NACC2: variants seen among roughly 807,000 people sequenced by gnomAD.
NACC2 encodes the protein nucleus accumbens-associated protein 2.
A neutral mutation model predicts 25.1 loss-of-function variants in NACC2; 8 were observed. The ratio of observed to expected loss-of-function variants is 0.32; its 90% CI spans 0.19 to 0.57. The LOEUF is 0.57. Ranked by LOEUF, NACC2 falls within the 20% of genes least tolerant of loss-of-function variation. The pLI is 0.89. For synonymous variants in NACC2, 435 were observed against 294.7 expected (o/e 1.48, Z -4.88); for missense variants, 644 against 650.2 (o/e 0.99, Z 0.10).
In NACC2 at chr9:136,011,322, G is replaced by A. The variant is rs1840103099; in HGVS notation, c.*194C>T. On this transcript the variant is annotated 3_prime_UTR_variant, in exon 6 of 6. Coordinates refer to ENST00000277554, the MANE Select transcript of NACC2 (RefSeq NM_144653.5). The stretch of plus-strand genomic sequence containing the variant: ...AACTTCCTCGCAGGAGGCTGCCAGT[G>A]GCCTAATTGTTTACAGTATAATGAA... The A allele has an allele frequency of 3.6e-6, 2 of 562,620 alleles. No individual in the cohort carries two copies. Among genetic ancestry groups the A allele is most frequent in the Middle Eastern group, 5.5e-4 (1 of 1,826 alleles). 34.9% of individuals were successfully genotyped at this position (562,620 alleles called of 1,614,324 possible).
At chr9:136,092,402 G>T (rs1327316362) in intron 1 of NACC2, among the ~76,000 whole-genome samples, 1 of 152,134 alleles carries the variant, frequency 6.6e-6, no homozygotes, top group Non-Finnish European at 1.5e-5. Flanking sequence ...ACAAACTCCC[G>T]CACCTGCCCA....
chr9:136,008,355 T>A lies in NACC2; in HGVS notation c.*3161A>T, dbSNP rs561114900. The A allele has an allele frequency of 6.6e-6, 1 of 152,506 alleles. No individual in the cohort carries two copies. The highest frequency in any genetic ancestry group is 2.4e-5 in the African/African-American group (1 of 41,562). The allele number at this position is 152,506 out of a possible 1,614,324, so 9.4% of individuals were successfully genotyped here. On this transcript the variant is annotated 3_prime_UTR_variant, in exon 6 of 6. Coordinates refer to ENST00000277554, the MANE Select transcript of NACC2 (RefSeq NM_144653.5). ...AGGCAGGGCAGGAGAGGCGGCTAGATCCCAGGCCCACCACCTGCCAGGCGG... is the reference window on the plus strand; with the variant it reads ...AGGCAGGGCAGGAGAGGCGGCTAGAACCCAGGCCCACCACCTGCCAGGCGG...
At chr9:136,091,597 A>G (rs1311175508) in intron 1 of NACC2, among the ~76,000 whole-genome samples, 1 of 152,222 alleles carries the variant, frequency 6.6e-6, no homozygotes, top group Non-Finnish European at 1.5e-5. Flanking sequence ...ACTTCCAGAC[A>G]GATGCCTTCA....
intron 2 of NACC2, among the ~76,000 whole-genome samples, chr9:136,049,315 C>T (rs1249882585): frequency 6.6e-6 from 1 of 152,320 alleles, no homozygotes; most frequent in African/African-American, 2.4e-5. Flanking sequence ...CCGTACACCG[C>T]GTGGCGCCAG....
intron 2 of NACC2, among the ~76,000 whole-genome samples, chr9:136,028,742 C>T (rs1840433008): frequency 6.6e-6 from 1 of 152,216 alleles, no homozygotes; most frequent in African/African-American, 2.4e-5. Flanking sequence ...CTCTTGGGGG[C>T]CTGGGAAGCC....
rs1411194368 is a variant in NACC2 at position 136,010,264 on chromosome 9, A to AT, written c.*1251dup. On this transcript the variant is annotated 3_prime_UTR_variant, in exon 6 of 6. Coordinates refer to ENST00000277554, the MANE Select transcript of NACC2 (RefSeq NM_144653.5). This position sits in a 1 kb window ranked among gnomAD's most constrained non-coding sequence, Gnocchi z 4.9. ...GCCCCAGCCCAGGCCTGTCCCGGTC[A>AT]TCCCCTGCCTGCAGCCTCAGGCACC... The AT allele has an allele frequency of 1.3e-5, 2 of 152,908 alleles. No individual in the cohort carries two copies. Among genetic ancestry groups the AT allele is most frequent in the African/African-American group, 4.8e-5 (2 of 41,340 alleles). 9.5% of individuals were successfully genotyped at this position (152,908 alleles called of 1,614,324 possible).
chr9:136,017,808 GA>G (rs1840224921), intron 2 of NACC2, among the ~76,000 whole-genome samples: 1 of 151,704 alleles, frequency 6.6e-6, no homozygotes, highest in African/African-American at 2.4e-5. Context: ...CTTCACTAGG[GA>G]ATCAATCCCA....
At chr9:136,088,347 C>T (rs576612117) in intron 1 of NACC2, among the ~76,000 whole-genome samples, 36 of 152,254 alleles carry the variant, frequency 2.4e-4, no homozygotes, top group African/African-American at 6.7e-4. Flanking sequence ...CCTCAGACCC[C>T]ACTCCCTGCC....
At chr9:136,031,840 C>T (rs1036796871) in intron 2 of NACC2, among the ~76,000 whole-genome samples, 1 of 152,244 alleles carries the variant, frequency 6.6e-6, no homozygotes, top group Non-Finnish European at 1.5e-5. Context: ...ACCCACATGG[C>T]TTTTACTGCT....
intron 2 of NACC2, among the ~76,000 whole-genome samples, chr9:136,023,646 T>C (rs1840331527): frequency 6.6e-6 from 1 of 152,240 alleles, no homozygotes. Flanking sequence ...GCTGATCTGA[T>C]GGCATCCCTT....
At chr9:136,078,730 G>A (rs952161529) in intron 1 of NACC2, among the ~76,000 whole-genome samples, 9 of 152,238 alleles carry the variant, frequency 5.9e-5, no homozygotes, top group African/African-American at 1.2e-4. Context: ...TGAGCAAAGC[G>A]AGCCCCTCAG....
At chr9:136,035,869 ACTTAT>A (rs1840543889) in intron 2 of NACC2, among the ~76,000 whole-genome samples, 1 of 152,232 alleles carries the variant, frequency 6.6e-6, no homozygotes, top group Non-Finnish European at 1.5e-5. Flanking sequence ...AGTTCTCCGT[ACTTAT>A]CTTACAACTT....
chr9:136,026,540 G>A (rs1051488274), intron 2 of NACC2, among the ~76,000 whole-genome samples: 15 of 152,086 alleles, frequency 9.9e-5, no homozygotes, highest in Admixed American at 7.2e-4. Flanking sequence ...ACATGGAGCC[G>A]CATCAAAAGG....
At chr9:136,030,083 C>T (rs1341349739) in intron 2 of NACC2, among the ~76,000 whole-genome samples, 1 of 152,184 alleles carries the variant, frequency 6.6e-6, no homozygotes, top group Admixed American at 6.5e-5. Flanking sequence ...CCATGATAGC[C>T]AGGCTGGTCT....
chr9:136,068,284 G>A (rs1044466348), intron 1 of NACC2, among the ~76,000 whole-genome samples: 1 of 152,120 alleles, frequency 6.6e-6, no homozygotes, highest in African/African-American at 2.4e-5. Flanking sequence ...GATGACCTGA[G>A]GTCAGGAGTT....
chr9:136,014,184 A>G (rs2131132695), intron 3 of NACC2, among the ~76,000 whole-genome samples: 1 of 152,148 alleles, frequency 6.6e-6, no homozygotes, highest in East Asian at 1.9e-4. Context: ...CCCAAATCAC[A>G]CATGGAACTA....
intron 2 of NACC2, among the ~76,000 whole-genome samples, chr9:136,042,855 CAG>C (rs1182250946): frequency 8.4e-6 from 1 of 119,680 alleles, no homozygotes; most frequent in African/African-American, 2.9e-5. Flanking sequence ...CAGACACACA[CAG>C]AGACACAGAG....
chr9:136,095,178 G>A lies in NACC2; in HGVS notation c.-60+11C>T, dbSNP rs1237193927. On this transcript the variant is annotated intron_variant, in intron 1 of 5. Coordinates refer to ENST00000277554, the MANE Select transcript of NACC2 (RefSeq NM_144653.5). ...ACCCGGGGGCGGCCGCGCGCGCCAA[G>A]TTGGCGGTACCTGCGGGCGCCCGGC... The A allele has an allele frequency of 6.8e-6, 1 of 146,992 alleles. No homozygotes were observed. Among genetic ancestry groups the A allele is most frequent in the Non-Finnish European group, 1.5e-5 (1 of 65,992 alleles). 9.1% of individuals were successfully genotyped at this position (146,992 alleles called of 1,614,324 possible). A position where few individuals can be genotyped will look rare whatever the true frequency, so the allele number is the denominator to read the frequency against.
At position 136,050,055 on chromosome 9, in the gene NACC2, G is replaced by C. The variant is rs1840795937; in HGVS notation, c.467C>G (p.Ala156Gly). The C allele has an allele frequency of 3.0e-6, 2 of 676,128 alleles. No individual in the cohort carries two copies. Among genetic ancestry groups the C allele is most frequent in the South Asian group, 3.1e-5 (2 of 65,236 alleles). The allele number at this position is 676,128 out of a possible 1,614,324, so 41.9% of individuals were successfully genotyped here. A position where few individuals can be genotyped will look rare whatever the true frequency, so the allele number is the denominator to read the frequency against. ...CNQLQPAAAA[A>G]APYVVSPSVP... The stretch of plus-strand genomic sequence containing the variant: ...CGAGGGGGACACGACGTAGGGGGCC[G>C]CGGCGGCGGCGGCCGGCTGCAGCTG... The change falls in exon 2 of 6, where the codon GCG becomes GGG. Residue 156 changes from alanine to glycine, a missense_variant. Ala to Gly is a moderately conservative substitution (Grantham distance 60, BLOSUM62 0). Transcript: ENST00000277554.
Sources: allele counts gnomAD v4.1 joint callset (sites outside exome capture counted in the v4.1 genomes callset), GRCh38; gene constraint gnomAD v4.1.1; non-coding constraint Gnocchi (gnomAD v3.1); transcripts MANE v1.5; gene names NCBI Gene and HGNC (gene_info 2026-07-23, HGNC 2026-07-21).